SLCO1B3: variants seen among roughly 807,000 people sequenced by gnomAD.
SLCO1B3 encodes the protein liver-specific organic anion transporter 2.
A neutral mutation model predicts 71.8 loss-of-function variants in SLCO1B3; 72 were observed. That is an observed-to-expected ratio of 1.00 (90% confidence interval 0.83 to 1.22). SLCO1B3 has a LOEUF of 1.22. Among genes scored for constraint, SLCO1B3 ranks in the 50% most tolerant of loss-of-function variants. SLCO1B3 has a pLI of 0.00. For missense variants in SLCO1B3, 911 were observed against 819.7 expected (o/e 1.11, Z -1.36); for synonymous variants, 298 against 278.4 (o/e 1.07, Z -0.70).
intron 15 of SLCO1B3, chr12:20,901,782 A>C (rs1437799228): frequency 5.9e-6 from 2 of 336,240 alleles, no homozygotes; most frequent in Non-Finnish European, 1.1e-5. Flanking sequence ...TTTTGATTAC[A>C]AAGCTCTCTC....
chr12:20,904,729 A>G (rs1866202148), intron 15 of SLCO1B3, among the ~76,000 whole-genome samples: 2 of 135,256 alleles, frequency 1.5e-5, no homozygotes, highest in Admixed American at 1.6e-4. Context: ...CCACCCCTGC[A>G]GCAGACTTCT....
At chr12:20,900,216 C>T (rs183680458) in intron 14 of SLCO1B3, among the ~76,000 whole-genome samples, 58 of 152,166 alleles carry the variant, frequency 3.8e-4, no homozygotes, top group Non-Finnish European at 7.4e-4. Context: ...GATGCATTGG[C>T]CTCAGACAAC....
chr12:20,877,978 C>T (rs764861366), intron 10 of SLCO1B3, 42 bp downstream of exon 10: 7 of 1,270,152 alleles, frequency 5.5e-6, no homozygotes, highest in Non-Finnish European at 7.7e-6. Context: ...AAATGAAACA[C>T]TGCTGAGTAC....
In SLCO1B3 at chr12:20,841,066, T is replaced by A. The variant is rs374253498; in HGVS notation, c.85-13962T>A. On this transcript the variant is annotated intron_variant, in intron 3 of 15. Transcript: ENST00000381545. Reference sequence around the variant, plus strand: ...TTGTCCAACCTGAGGCTCTAGCAATTCAATTATAGTACATTTTTTTTTCTT... The same window carrying A: ...TTGTCCAACCTGAGGCTCTAGCAATACAATTATAGTACATTTTTTTTTCTT... Among the ~76,000 whole-genome samples the A allele has an allele frequency of 8.3e-4, 126 of 152,256 alleles. 2 individuals carry two copies. In the South Asian group the frequency reaches 0.025, roughly 30 times the overall value.
intron 3 of SLCO1B3, among the ~76,000 whole-genome samples, chr12:20,816,581 T>C (rs1490619728): frequency 1.3e-5 from 2 of 152,240 alleles, no homozygotes; most frequent in Non-Finnish European, 2.9e-5. Context: ...GTCCCACTTT[T>C]TTTTACGCAT....
At chr12:20,823,738 A>T (rs1173460267) in intron 3 of SLCO1B3, among the ~76,000 whole-genome samples, 1 of 152,206 alleles carries the variant, frequency 6.6e-6, no homozygotes, top group Admixed American at 6.5e-5. Context: ...GTGCCTGCAG[A>T]TACATATGTG....
intron 13 of SLCO1B3, among the ~76,000 whole-genome samples, chr12:20,894,590 G>A (rs746076113): frequency 7.9e-5 from 12 of 152,022 alleles, no homozygotes; most frequent in South Asian, 2.1e-4. Context: ...GTAGTATACC[G>A]ACAAAGTGTA....
chr12:20,842,118 A>C (rs984509808), intron 3 of SLCO1B3, among the ~76,000 whole-genome samples: 1 of 151,084 alleles, frequency 6.6e-6, no homozygotes, highest in Non-Finnish European at 1.5e-5. Flanking sequence ...CTGGTCTTGA[A>C]CTCCTGACCT....
intron 3 of SLCO1B3, among the ~76,000 whole-genome samples, chr12:20,834,677 C>G (rs760007170): frequency 6.6e-6 from 1 of 151,926 alleles, no homozygotes; most frequent in African/African-American, 2.4e-5. Flanking sequence ...AGAGGTGGGT[C>G]CCTCAGTCTT....
At chr12:20,857,299 G>A (rs980015400) in intron 4 of SLCO1B3, among the ~76,000 whole-genome samples, 20 of 151,952 alleles carry the variant, frequency 1.3e-4, no homozygotes, top group South Asian at 8.3e-4. Flanking sequence ...GAAAGCTTAC[G>A]TCTTCCTCTA....
intron 13 of SLCO1B3, among the ~76,000 whole-genome samples, chr12:20,887,716 A>G (rs1322629420): frequency 2.6e-5 from 4 of 151,064 alleles, no homozygotes; most frequent in Admixed American, 2.0e-4. Context: ...TTACTGAACA[A>G]AAGTTTTGTA....
intron 3 of SLCO1B3, among the ~76,000 whole-genome samples, chr12:20,838,844 T>C (rs1864737690): frequency 1.3e-5 from 2 of 151,494 alleles, no homozygotes; most frequent in South Asian, 4.1e-4. Flanking sequence ...ATTTCTGTCT[T>C]GTTCTTCTTT....
In SLCO1B3 at chr12:20,916,386, G is replaced by A; in HGVS notation, c.*139G>A. On this transcript the variant is annotated 3_prime_UTR_variant, in exon 16 of 16. Transcript: ENST00000381545. ...AACTATAAAAAATGGGAGTACCCAT[G>A]GTTAGGATATAGCTATGCCTTTATG... 1.3e-6 allele frequency: 1 copy of A among 747,002 alleles called. No homozygotes were observed. Among genetic ancestry groups the A allele is most frequent in the Admixed American group, 2.7e-5 (1 of 36,636 alleles). The allele number at this position is 747,002 out of a possible 1,614,324, so 46.3% of individuals were successfully genotyped here. A position where few individuals can be genotyped will look rare whatever the true frequency, so the allele number is the denominator to read the frequency against.
chr12:20,845,642 A>G (rs1034846993), intron 3 of SLCO1B3, among the ~76,000 whole-genome samples: 1 of 152,220 alleles, frequency 6.6e-6, no homozygotes, highest in Non-Finnish European at 1.5e-5. Flanking sequence ...GATGTATCAT[A>G]TGATCTATAT....
intron 15 of SLCO1B3, among the ~76,000 whole-genome samples, chr12:20,906,048 T>G (rs1330816512): frequency 6.6e-6 from 1 of 152,096 alleles, no homozygotes. Flanking sequence ...GAGAACTCAC[T>G]ATCATGAGAA....
chr12:20,869,205 G>A lies in SLCO1B3; in HGVS notation c.728-6030G>A, dbSNP rs533835850. 1.8e-4 allele frequency among the ~76,000 whole-genome samples: 28 copies of A among 152,258 alleles called. No homozygotes were observed. The East Asian group carries it at 3.7e-3, about 20-fold the overall frequency. ...TTGTTCCTTGACACTTCTTGCTACC[G>A]CTAGACTGTGGTCCGCCTGGCAATG... On this transcript the variant is annotated intron_variant, in intron 8 of 15. Coordinates refer to ENST00000381545, the MANE Select transcript of SLCO1B3 (RefSeq NM_019844.4).
chr12:20,875,036 A>G (rs1865548509), intron 8 of SLCO1B3, among the ~76,000 whole-genome samples, 199 bp from the exon 9 acceptor site: 1 of 152,222 alleles, frequency 6.6e-6, no homozygotes, highest in Admixed American at 6.5e-5. Context: ...CTCCTGGACA[A>G]TAGCAATTGC....
At chr12:20,882,864 C>T (rs189720747) in intron 12 of SLCO1B3, among the ~76,000 whole-genome samples, 36 of 152,302 alleles carry the variant, frequency 2.4e-4, no homozygotes, top group African/African-American at 8.4e-4. Context: ...TAATATTCCT[C>T]TTCTATATTC....
At chr12:20,895,744 G>A (rs894694802) in intron 13 of SLCO1B3, among the ~76,000 whole-genome samples, 1 of 152,168 alleles carries the variant, frequency 6.6e-6, no homozygotes, top group Non-Finnish European at 1.5e-5. Context: ...AGCCCCACTA[G>A]GCAGTGCCCC....
Sources: gnomAD v4.1 joint callset for allele counts (sites outside exome capture counted in the v4.1 genomes callset) on GRCh38, gnomAD v4.1.1 for gene constraint, MANE v1.5 for transcripts, NCBI Gene and HGNC (gene_info 2026-07-23, HGNC 2026-07-21) for gene names.